The following CHIC2 variants were observed in gnomAD, a reference collection of about 807,000 sequenced individuals.
CHIC2 encodes the protein cysteine-rich hydrophobic domain-containing protein 2.
Under a neutral mutation model 25.9 loss-of-function variants are expected in CHIC2, and 14 were observed. The observed-to-expected ratio is 0.54, with a 90% CI of 0.36 to 0.85. CHIC2 has a LOEUF of 0.85. Among genes scored for constraint, CHIC2 ranks in the 40% least tolerant of loss-of-function variants. CHIC2 has a pLI of 0.01. For synonymous variants in CHIC2, 70 were observed against 72.0 expected, an observed-to-expected ratio of 0.97 and a Z score of 0.14; for missense variants, 146 against 202.0, an observed-to-expected ratio of 0.72 and a Z score of 1.68.
intron 1 of CHIC2, among the ~76,000 whole-genome samples, chr4:54,056,748 CTG>C (rs1717188604): frequency 6.6e-6 from 1 of 152,170 alleles, no homozygotes; most frequent in Non-Finnish European, 1.5e-5. Context: ...TTCAGGGACA[CTG>C]TGAGAACATT....
At chr4:54,058,219 AAT>A (rs1326707337) in intron 1 of CHIC2, among the ~76,000 whole-genome samples, 3 of 152,338 alleles carry the variant, frequency 2.0e-5, no homozygotes, top group South Asian at 2.1e-4. Context: ...TAAACATCAA[AAT>A]ATGTCATAAG....
chr4:54,028,891 G>A (rs1188869103), intron 3 of CHIC2, among the ~76,000 whole-genome samples: 3 of 152,168 alleles, frequency 2.0e-5, no homozygotes, highest in East Asian at 3.9e-4. Context: ...TTGGGGGGCC[G>A]AGGTGGGCAG....
At chr4:54,088,888 A>G in the CHIC2 span, among the ~76,000 whole-genome samples, 5 of 152,200 alleles carry the variant, frequency 3.3e-5, no homozygotes, top group East Asian at 9.6e-4. Flanking sequence ...TTAGAGAAAG[A>G]GCAAGAGAGG....
chr4:54,058,567 C>CAG (rs1717245091), intron 1 of CHIC2, among the ~76,000 whole-genome samples: 1 of 150,422 alleles, frequency 6.6e-6, no homozygotes, highest in Non-Finnish European at 1.5e-5. Flanking sequence ...CATACACACA[C>CAG]ACACACACAC....
intron 3 of CHIC2, among the ~76,000 whole-genome samples, chr4:54,032,667 C>T (rs1474250060): frequency 1.3e-5 from 2 of 152,174 alleles, no homozygotes; most frequent in Non-Finnish European, 2.9e-5. Context: ...AAAATACATA[C>T]AGCATAAGCT....
At chr4:54,076,056 G>A in the CHIC2 span, among the ~76,000 whole-genome samples, 6 of 152,150 alleles carry the variant, frequency 3.9e-5, no homozygotes, top group African/African-American at 1.4e-4. Context: ...GGCAGCTGAG[G>A]CAGGAGGTTT....
upstream of CHIC2, chr4:54,064,710 C>G: frequency 1.0e-6 from 1 of 978,912 alleles, no homozygotes; most frequent in African/African-American, 1.7e-5. The surrounding 1 kb of genome is among the most constrained non-coding windows in gnomAD (Gnocchi z 4.2). Context: ...CGTGGGCGAG[C>G]GGACTGGCTG....
the CHIC2 span, among the ~76,000 whole-genome samples, chr4:54,090,187 T>A: frequency 6.6e-6 from 1 of 151,520 alleles, no homozygotes; most frequent in East Asian, 1.9e-4. Context: ...TTATTTTATT[T>A]TATATATATA....
intron 3 of CHIC2, among the ~76,000 whole-genome samples, chr4:54,020,001 T>C (rs1282883394): frequency 6.6e-6 from 1 of 152,192 alleles, no homozygotes; most frequent in Non-Finnish European, 1.5e-5. Context: ...AATTTCACTA[T>C]GCAAATAAAA....
At chr4:54,066,981 C>G (rs371987278), upstream of CHIC2, among the ~76,000 whole-genome samples, 1 of 152,208 alleles carries the variant, frequency 6.6e-6, no homozygotes, top group Non-Finnish European at 1.5e-5. Flanking sequence ...TTCCCAAAGA[C>G]GGAGGAAGCC....
At chr4:54,034,771 TA>T (rs1716334059) in intron 3 of CHIC2, among the ~76,000 whole-genome samples, 1 of 152,212 alleles carries the variant, frequency 6.6e-6, no homozygotes, top group Non-Finnish European at 1.5e-5. Context: ...ATCTCCAGAA[TA>T]ACATTGATTA....
chr4:54,042,860 T>C (rs766311545), intron 3 of CHIC2, among the ~76,000 whole-genome samples: 35 of 152,252 alleles, frequency 2.3e-4, no homozygotes, highest in African/African-American at 7.2e-4. Context: ...TTCCTATCAA[T>C]AGAATGTACC....
At chr4:54,073,305 A>T in the CHIC2 span, among the ~76,000 whole-genome samples, 1 of 152,092 alleles carries the variant, frequency 6.6e-6, no homozygotes, top group African/African-American at 2.4e-5. Flanking sequence ...TCCCTGAGAG[A>T]CTCATCAACT....
rs1716657325 is a variant in CHIC2 at position 54,043,457 on chromosome 4, G to A, written c.330+5498C>T. 2.0e-5 allele frequency among the ~76,000 whole-genome samples: 3 copies of A among 150,952 alleles called. No homozygotes were observed. The South Asian group carries it at 6.3e-4, about 32-fold the overall frequency. On this transcript the variant is annotated intron_variant, in intron 3 of 5. Transcript: ENST00000263921. ...AAAAAAAAGAAACACTTGATCACTT[G>A]GCAGAAACTCTACAAGCCAGAAGAG...
At chr4:54,047,309 A>C (rs1166912721) in intron 3 of CHIC2, among the ~76,000 whole-genome samples, 1 of 152,170 alleles carries the variant, frequency 6.6e-6, no homozygotes, top group Non-Finnish European at 1.5e-5. Flanking sequence ...GTATATACCC[A>C]AAGGATTATA....
the CHIC2 span, among the ~76,000 whole-genome samples, chr4:54,081,008 AAAT>A: frequency 1.4e-5 from 2 of 145,076 alleles, no homozygotes; most frequent in African/African-American, 5.0e-5. Flanking sequence ...CATATACCTT[AAAT>A]ATATACAATT....
intron 1 of CHIC2, 60 bp from the exon 2 acceptor site, chr4:54,049,365 CATTTA>C: frequency 9.1e-7 from 1 of 1,094,534 alleles, no homozygotes; most frequent in East Asian, 2.5e-5. Flanking sequence ...AAATGTAGAC[CATTTA>C]ATTTAAAGGT....
chr4:54,028,296 T>A (rs1040048507), intron 3 of CHIC2, among the ~76,000 whole-genome samples: 1 of 152,160 alleles, frequency 6.6e-6, no homozygotes, highest in Non-Finnish European at 1.5e-5. Context: ...AGGTATAAAG[T>A]CAAATTTTAA....
At chr4:54,081,289 T>C in the CHIC2 span, among the ~76,000 whole-genome samples, 1 of 151,894 alleles carries the variant, frequency 6.6e-6, no homozygotes, top group Non-Finnish European at 1.5e-5. Flanking sequence ...TGTGCCTGGC[T>C]TCAAATTACT....
Sources: allele counts gnomAD v4.1 joint callset (sites outside exome capture counted in the v4.1 genomes callset), GRCh38; gene constraint gnomAD v4.1.1; non-coding constraint Gnocchi (gnomAD v3.1); transcripts MANE v1.5; gene names NCBI Gene and HGNC (gene_info 2026-07-23, HGNC 2026-07-21).